Variants in NXPH1 observed in about 807,000 individuals in gnomAD.
The protein encoded by NXPH1 is neurexophilin 1.
Under a neutral mutation model 23.7 loss-of-function variants are expected in NXPH1, and 5 were observed. The ratio of observed to expected loss-of-function variants is 0.21; its 90% CI spans 0.11 to 0.44. The LOEUF is 0.44. Among genes scored for constraint, NXPH1 ranks in the 20% least tolerant of loss-of-function variants. The pLI, the probability that NXPH1 is intolerant of heterozygous loss-of-function variation, is 0.99. For synonymous variants in NXPH1, 144 were observed against 122.2 expected (o/e 1.18, Z -1.18); for missense variants, 324 against 321.6 (o/e 1.01, Z -0.06).
In NXPH1 at chr7:8,751,031, C is replaced by T. The variant is rs556234370; in HGVS notation, c.78C>T (p.Asn26=). 103 of 1,613,562 alleles carry T rather than the reference C, an allele frequency of 6.4e-5. No individual in the cohort carries two copies. The highest frequency in any genetic ancestry group is 1.7e-4 in the Middle Eastern group (1 of 6,058). The stretch of plus-strand genomic sequence containing the variant: ...AGGTCACATGTGCCAATTTAACGAA[C>T]GGTGGAAAGTCAGAACTTCTGAAAT... ...VYLVTCANLT[N]GGKSELLKSG... Residue 26 remains asparagine (N), a synonymous_variant, in exon 3 of 3, where the codon AAC becomes AAT. Transcript: ENST00000405863. The surrounding 1 kb of genome is among the most constrained non-coding windows in gnomAD (Gnocchi z 4.5).
chr7:8,621,352 C>A (rs980340169), intron 2 of NXPH1, among the ~76,000 whole-genome samples: 1 of 152,138 alleles, frequency 6.6e-6, no homozygotes, highest in Non-Finnish European at 1.5e-5. Context: ...AGTGACTCAA[C>A]AAGATGGGTT....
chr7:8,745,453 G>A (rs765422542), intron 2 of NXPH1, among the ~76,000 whole-genome samples: 19 of 151,316 alleles, frequency 1.3e-4, no homozygotes, highest in Non-Finnish European at 2.8e-4. Context: ...GGGGGTGGGT[G>A]GAGTAGAGAG....
In NXPH1 at chr7:8,442,426, G is replaced by A. The variant is rs1172892450; in HGVS notation, c.54+6659G>A. On this transcript the variant is annotated intron_variant, in intron 2 of 2. Coordinates refer to ENST00000405863, the MANE Select transcript of NXPH1 (RefSeq NM_152745.3). The surrounding 1 kb of genome is among the most constrained non-coding windows in gnomAD (Gnocchi z 4.6). ...CCGCCGCCCTAATGGATTCTGAAGC[G>A]AAGGATCCTAGCTGCCGCGGCTAAG... Among the ~76,000 whole-genome samples the A allele has an allele frequency of 2.0e-5, 3 of 152,168 alleles. No homozygotes were observed. The highest frequency in any genetic ancestry group is 6.5e-5 in the Admixed American group (1 of 15,276).
chr7:8,488,897 T>C lies in NXPH1; in HGVS notation c.54+53130T>C, dbSNP rs76245070. On this transcript the variant is annotated intron_variant, in intron 2 of 2. Coordinates refer to ENST00000405863, the MANE Select transcript of NXPH1 (RefSeq NM_152745.3). Reference sequence around the variant, plus strand: ...GTTAAGATGATGGGTTTTGTAACTGTCAACTTCATCTTTTAGCAGCCTACT... The same window carrying C: ...GTTAAGATGATGGGTTTTGTAACTGCCAACTTCATCTTTTAGCAGCCTACT... Among the ~76,000 whole-genome samples, 1,334 of 152,260 alleles carry C rather than the reference T, an allele frequency of 8.8e-3. 19 individuals are homozygous for C. The highest frequency in any genetic ancestry group is 0.031 in the African/African-American group (1,283 of 41,558).
In NXPH1 at chr7:8,488,262, A is replaced by G. The variant is rs545867108; in HGVS notation, c.54+52495A>G. Among the ~76,000 whole-genome samples the G allele has an allele frequency of 3.2e-3, 494 of 152,134 alleles. 2 individuals are homozygous for G. The highest frequency in any genetic ancestry group is 0.011 in the African/African-American group (469 of 41,534). On this transcript the variant is annotated intron_variant, in intron 2 of 2. Transcript: ENST00000405863. ...ATATCTTACATATTACATCTTACATACTACATCTTACATACTACATCTTAC... is the reference window on the plus strand; with the variant it reads ...ATATCTTACATATTACATCTTACATGCTACATCTTACATACTACATCTTAC...
chr7:8,649,453 TAC>T (rs759622627), intron 2 of NXPH1, among the ~76,000 whole-genome samples: 5 of 152,308 alleles, frequency 3.3e-5, no homozygotes, highest in East Asian at 3.9e-4. Flanking sequence ...CACCTGCATA[TAC>T]ACACACAATT....
At chr7:8,626,694 G>A (rs1374749263) in intron 2 of NXPH1, among the ~76,000 whole-genome samples, 1 of 151,916 alleles carries the variant, frequency 6.6e-6, no homozygotes, top group Non-Finnish European at 1.5e-5. Context: ...GGCCCTTCAG[G>A]ATCTGGTCCT....
At chr7:8,577,202 G>C (rs995202610) in intron 2 of NXPH1, among the ~76,000 whole-genome samples, 1 of 152,106 alleles carries the variant, frequency 6.6e-6, no homozygotes, top group East Asian at 1.9e-4. Context: ...ATGCAAAAAA[G>C]ATTGACTTTG....
intron 2 of NXPH1, among the ~76,000 whole-genome samples, chr7:8,672,555 G>A (rs372194670): frequency 3.8e-4 from 57 of 151,728 alleles, no homozygotes; most frequent in African/African-American, 1.4e-3. Context: ...CAGCTTGAAA[G>A]ACAAATCCAA....
At chr7:8,633,704 C>G (rs555544695) in intron 2 of NXPH1, among the ~76,000 whole-genome samples, 1 of 152,084 alleles carries the variant, frequency 6.6e-6, no homozygotes, top group African/African-American at 2.4e-5. Flanking sequence ...AAAAAGAATT[C>G]GTAATTTTTA....
chr7:8,694,474 A>AG (rs1821272331), intron 2 of NXPH1, among the ~76,000 whole-genome samples: 1 of 152,228 alleles, frequency 6.6e-6, no homozygotes, highest in South Asian at 2.1e-4. Flanking sequence ...GAGAAAAAAA[A>AG]GGCTCTTTTA....
chr7:8,713,009 C>T (rs899406418), intron 2 of NXPH1, among the ~76,000 whole-genome samples: 2 of 151,198 alleles, frequency 1.3e-5, no homozygotes, highest in Non-Finnish European at 2.9e-5. Flanking sequence ...CTTTTTACCC[C>T]CCTCTCTCTC....
intron 2 of NXPH1, among the ~76,000 whole-genome samples, chr7:8,640,259 T>C (rs992708919): frequency 6.6e-6 from 1 of 152,000 alleles, no homozygotes; most frequent in Non-Finnish European, 1.5e-5. Flanking sequence ...TCTAAAGTTT[T>C]AAAAAATGTT....
At chr7:8,570,414 T>C (rs749405472) in intron 2 of NXPH1, among the ~76,000 whole-genome samples, 3 of 151,954 alleles carry the variant, frequency 2.0e-5, no homozygotes, top group African/African-American at 4.8e-5. Flanking sequence ...AGGGATAGAA[T>C]AGTACTTACC....
In NXPH1 at chr7:8,710,647, GTTTTTTTTTT is replaced by G. The variant is rs1424880912; in HGVS notation, c.55-40344_55-40335del. On this transcript the variant is annotated intron_variant, in intron 2 of 2. Transcript: ENST00000405863. ...AAGCATGTCAACTGTTACGTTTTTT[GTTTTTTTTTT>G]TTTTTTTTTTTTTTTTGAGACGGAG... 7.7e-5 allele frequency among the ~76,000 whole-genome samples: 4 copies of G among 51,718 alleles called. 1 individual carries two copies. In the South Asian group the frequency reaches 2.1e-3, roughly 27 times the overall value. The allele number at this position is 51,718 out of a possible 152,430, so 33.9% of individuals were successfully genotyped here.
At chr7:8,455,518 A>G (rs1816579850) in intron 2 of NXPH1, among the ~76,000 whole-genome samples, 2 of 152,356 alleles carry the variant, frequency 1.3e-5, no homozygotes, top group South Asian at 4.1e-4. Context: ...CCTAGCCAGG[A>G]CATTTCAGCT....
intron 2 of NXPH1, among the ~76,000 whole-genome samples, chr7:8,515,004 C>A (rs1472304566): frequency 6.6e-6 from 1 of 152,078 alleles, no homozygotes; most frequent in African/African-American, 2.4e-5. Flanking sequence ...TCCCAAAGAA[C>A]ATTAGAATAA....
intron 2 of NXPH1, among the ~76,000 whole-genome samples, chr7:8,554,537 C>A (rs1483828846): frequency 6.6e-6 from 1 of 151,714 alleles, no homozygotes; most frequent in South Asian, 2.1e-4. Context: ...ATAATAGGCT[C>A]TTAGTACATT....
At chr7:8,488,553 C>T (rs142265934) in intron 2 of NXPH1, among the ~76,000 whole-genome samples, 125 of 152,258 alleles carry the variant, frequency 8.2e-4, no homozygotes, top group Admixed American at 2.6e-3. Context: ...GCTTATAGTG[C>T]TACCAGAAGG....
Sources: gnomAD v4.1 joint callset for allele counts (sites outside exome capture counted in the v4.1 genomes callset) on GRCh38, gnomAD v4.1.1 for gene constraint, Gnocchi (gnomAD v3.1) non-coding constraint, MANE v1.5 for transcripts, NCBI Gene and HGNC (gene_info 2026-07-23, HGNC 2026-07-21) for gene names.